The following FAM186B variants were observed in gnomAD, a reference collection of about 807,000 sequenced individuals.
FAM186B encodes protein FAM186B.
Under a neutral mutation model 83.4 loss-of-function variants are expected in FAM186B, and 68 were observed. The ratio of observed to expected loss-of-function variants is 0.81; its 90% CI spans 0.67 to 1.00. The LOEUF is 1.00. FAM186B is among the 50% of genes least tolerant of loss of function. The pLI, the probability that FAM186B is intolerant of heterozygous loss-of-function variation, is 0.00. For synonymous variants in FAM186B, 389 were observed against 422.0 expected (o/e 0.92, Z 0.96); for missense variants, 983 against 1,099.2 (o/e 0.89, Z 1.49).
chr12:49,599,987 T>G lies in FAM186B; in HGVS notation c.1653A>C (p.Leu551=). 1 of 1,613,616 alleles carries G rather than the reference T, an allele frequency of 6.2e-7. No homozygotes were observed. Among genetic ancestry groups the G allele is most frequent in the Non-Finnish European group, 8.5e-7 (1 of 1,179,820 alleles). The change falls in exon 4 of 7, where the codon CTA becomes CTC. Residue 551 remains leucine (L), a synonymous_variant. Transcript: ENST00000257894. The part of the protein sequence containing the change: ...QESPRREPEQ[L]GEDVERRIFT... ...AGATCCTCCTCTCCACATCCTCCCCTAGCTGCTCTGGCTCTCTCCGTGGGC... is the reference window on the plus strand; with the variant it reads ...AGATCCTCCTCTCCACATCCTCCCCGAGCTGCTCTGGCTCTCTCCGTGGGC...
the FAM186B span, among the ~76,000 whole-genome samples, chr12:49,622,187 G>A: frequency 6.6e-6 from 1 of 152,216 alleles, no homozygotes; most frequent in Non-Finnish European, 1.5e-5. Context: ...TGGAGAGGCC[G>A]CCGGTGGTCC....
chr12:49,596,200 C>T (rs1451722795), intron 5 of FAM186B, among the ~76,000 whole-genome samples: 5 of 151,682 alleles, frequency 3.3e-5, no homozygotes. Flanking sequence ...TGTGTCTGTA[C>T]ATTTCTTTTT....
chr12:49,607,161 C>A (rs185523760), upstream of FAM186B, among the ~76,000 whole-genome samples: 45 of 151,848 alleles, frequency 3.0e-4, 1 homozygote, highest in Admixed American at 3.9e-4. Context: ...AACAAAAAAA[C>A]CCAAAATAAG....
intron 5 of FAM186B, among the ~76,000 whole-genome samples, chr12:49,597,172 T>C (rs1186312177): frequency 6.6e-6 from 1 of 152,190 alleles, no homozygotes; most frequent in African/African-American, 2.4e-5. Context: ...TGTGGAAGTA[T>C]ACCCTGTAAT....
chr12:49,603,523 C>T (rs1352763929), intron 2 of FAM186B, among the ~76,000 whole-genome samples, 156 bp from the exon 3 acceptor site: 1 of 152,164 alleles, frequency 6.6e-6, no homozygotes, highest in East Asian at 1.9e-4. Flanking sequence ...TCCCCCTGAG[C>T]CTCAGTTTCC....
At chr12:49,608,491 CAAA>C (rs546459596), upstream of FAM186B, among the ~76,000 whole-genome samples, 3 of 81,052 alleles carry the variant, frequency 3.7e-5, no homozygotes, top group Non-Finnish European at 7.8e-5. Flanking sequence ...ACTCCGTCTC[CAAA>C]AAAAAAAAAA....
At chr12:49,614,112 T>C in the FAM186B span, among the ~76,000 whole-genome samples, 1 of 150,566 alleles carries the variant, frequency 6.6e-6, no homozygotes, top group African/African-American at 2.5e-5. Context: ...ATTGTGCCAT[T>C]GCACTCCAGC....
At chr12:49,610,377 C>A (rs115191580), upstream of FAM186B, among the ~76,000 whole-genome samples, 2,418 of 152,214 alleles carry the variant, frequency 0.016, 61 homozygotes, top group African/African-American at 0.054. Flanking sequence ...GCATGGATTG[C>A]TAGGAAACTC....
chr12:49,583,581 A>G (rs1421216683), downstream of FAM186B: 1 of 154,208 alleles, frequency 6.5e-6, no homozygotes, highest in Admixed American at 6.4e-5. Flanking sequence ...CGATATCTTA[A>G]GCTGCGACTC....
rs1426801736 is a variant in FAM186B, at chr12:49,604,398, C to T, written c.237G>A (p.Leu79=). The change falls in exon 2 of 7, where the codon TTG becomes TTA. Residue 79 remains leucine, a synonymous_variant. Coordinates refer to ENST00000257894, the MANE Select transcript of FAM186B (RefSeq NM_032130.3). ...TGGAGAAGGAGGCAATTTTTTCCAG[C>T]AAGATGAATCTCTTCTTGCCCTTTG... ...RDPKGKKRFI[L]LEKIASFSKD... The T allele has an allele frequency of 6.2e-7, 1 of 1,614,128 alleles. No individual in the cohort carries two copies. Among genetic ancestry groups the T allele is most frequent in the East Asian group, 2.2e-5 (1 of 44,906 alleles).
At chr12:49,587,776 T>A (rs771630762) in intron 6 of FAM186B, 24 bp from the exon 7 acceptor site, 210 of 1,600,872 alleles carry the variant, frequency 1.3e-4, no homozygotes, top group Non-Finnish European at 1.7e-4. Flanking sequence ...GTTTGGAGAA[T>A]GTGAAAAGCA....
the FAM186B span, among the ~76,000 whole-genome samples, chr12:49,620,308 G>C: frequency 6.6e-6 from 1 of 152,130 alleles, no homozygotes; most frequent in East Asian, 1.9e-4. Context: ...AGTTCTATTT[G>C]CCCCAGTTAA....
chr12:49,584,398 A>T, downstream of FAM186B: 1 of 671,868 alleles, frequency 1.5e-6, no homozygotes, highest in Non-Finnish European at 2.7e-6. Context: ...CTTTAAAAGC[A>T]CCAGCTGGGA....
At chr12:49,620,209 G>A in the FAM186B span, among the ~76,000 whole-genome samples, 2,730 of 152,206 alleles carry the variant, frequency 0.018, 70 homozygotes, top group African/African-American at 0.057. Flanking sequence ...TAAACTGTTA[G>A]GATAAAATTA....
the FAM186B span, among the ~76,000 whole-genome samples, chr12:49,611,389 A>G: frequency 1.3e-5 from 2 of 151,364 alleles, no homozygotes; most frequent in Non-Finnish European, 2.9e-5. Context: ...AAAAAATACA[A>G]ATACAAATAC....
At chr12:49,586,316 G>C (rs1330590742), downstream of FAM186B, among the ~76,000 whole-genome samples, 1 of 152,162 alleles carries the variant, frequency 6.6e-6, no homozygotes, top group African/African-American at 2.4e-5. Context: ...AGAGAGGCGG[G>C]GAAAGAGGGA....
At chr12:49,583,026 C>T (rs1375245580), downstream of FAM186B, 2 of 456,200 alleles carry the variant, frequency 4.4e-6, no homozygotes, top group African/African-American at 2.0e-5. Context: ...CCAGAGAGCT[C>T]GCTAGAGGAC....
the FAM186B span, among the ~76,000 whole-genome samples, chr12:49,614,394 G>C: frequency 1.3e-5 from 2 of 152,106 alleles, no homozygotes; most frequent in Non-Finnish European, 2.9e-5. Context: ...ATACTAGACA[G>C]CCATAAAAAA....
the FAM186B span, among the ~76,000 whole-genome samples, chr12:49,622,448 A>T: frequency 6.6e-6 from 1 of 152,236 alleles, no homozygotes; most frequent in Non-Finnish European, 1.5e-5. Flanking sequence ...CTGAGGCTGC[A>T]GTGAACCCTG....
Sources: allele counts gnomAD v4.1 joint callset (sites outside exome capture counted in the v4.1 genomes callset), GRCh38; gene constraint gnomAD v4.1.1; transcripts MANE v1.5; gene names NCBI Gene and HGNC (gene_info 2026-07-23, HGNC 2026-07-21).